The following SCARA5 variants were observed in gnomAD, a reference collection of about 807,000 sequenced individuals.
SCARA5 encodes the protein scavenger receptor class A, member 5 (putative).
In SCARA5, 45 loss-of-function variants were observed where a neutral mutation model predicts 46.3. That is an observed-to-expected ratio of 0.97 (90% CI 0.76 to 1.24). SCARA5 has a LOEUF of 1.24. SCARA5 is among the 50% of genes most tolerant of loss of function. The pLI is 0.00. For synonymous variants in SCARA5, 333 were observed against 306.5 expected (o/e 1.09, Z -0.90); for missense variants, 680 against 689.0 (o/e 0.99, Z 0.15).
chr8:27,987,498 A>G lies in SCARA5; in HGVS notation c.112+6T>C, dbSNP rs1460241586. Reference sequence around the variant, plus strand: ...TGTGCCCCAAGTCTGAGCCAGCTGCACTCACCATCCTCACACAGGTTCAGC... The same window carrying G: ...TGTGCCCCAAGTCTGAGCCAGCTGCGCTCACCATCCTCACACAGGTTCAGC... On this transcript the variant is annotated splice_donor_region_variant and intron_variant, in intron 2 of 8. Transcript: ENST00000354914. The G allele has an allele frequency of 6.2e-7, 1 of 1,602,166 alleles. No individual in the cohort carries two copies. Among genetic ancestry groups the G allele is most frequent in the Non-Finnish European group, 8.6e-7 (1 of 1,169,474 alleles).
chr8:27,873,678 T>A (rs575042632), intron 8 of SCARA5, among the ~76,000 whole-genome samples: 1 of 151,570 alleles, frequency 6.6e-6, no homozygotes, highest in East Asian at 1.9e-4. Context: ...TGCACCCAGG[T>A]GAAATAAATA....
chr8:27,937,859 A>C (rs1478682182), intron 3 of SCARA5, among the ~76,000 whole-genome samples: 1 of 152,084 alleles, frequency 6.6e-6, no homozygotes, highest in East Asian at 1.9e-4. Flanking sequence ...GACACTGGTC[A>C]TATCGGATCA....
chr8:27,935,546 A>C lies in SCARA5; in HGVS notation c.242-13301T>G, dbSNP rs534259853. Among the ~76,000 whole-genome samples, 697 of 152,280 alleles carry C rather than the reference A, an allele frequency of 4.6e-3. 5 individuals are homozygous for C. The highest frequency in any genetic ancestry group is 0.016 in the African/African-American group (653 of 41,552). On this transcript the variant is annotated intron_variant, in intron 3 of 8. Coordinates refer to ENST00000354914, the MANE Select transcript of SCARA5 (RefSeq NM_173833.6). ...AGGCTCCCAGAGAAGAGCTGCTAAG[A>C]GCAAGCAGGGTGACAGCACCAAAGC... is the stretch of plus-strand genomic sequence containing the variant.
chr8:27,885,147 G>A (rs1806874646), intron 7 of SCARA5, among the ~76,000 whole-genome samples: 1 of 152,034 alleles, frequency 6.6e-6, no homozygotes, highest in Admixed American at 6.6e-5. Flanking sequence ...GGAATGAGAG[G>A]GCAGGTACTG....
At chr8:27,901,696 C>CA (rs1324702293) in intron 7 of SCARA5, among the ~76,000 whole-genome samples, 4 of 152,194 alleles carry the variant, frequency 2.6e-5, no homozygotes, top group African/African-American at 9.6e-5. Flanking sequence ...CGCAATGGGA[C>CA]AGGCACAGAC....
intron 2 of SCARA5, 112 bp downstream of exon 2, chr8:27,987,392 C>T: frequency 1.4e-6 from 1 of 737,774 alleles, no homozygotes; most frequent in Non-Finnish European, 2.5e-6. Flanking sequence ...TGCACTATTA[C>T]ATGAGGAGGT....
At position 27,907,252 on chromosome 8, in the gene SCARA5, G is replaced by A; in HGVS notation, c.998-6C>T. ...ACCTCTCTCCCCGGGCAGACCTGGGGAGAAAACAGACAAATGGCAGAGCCT... is the reference window on the plus strand; with the variant it reads ...ACCTCTCTCCCCGGGCAGACCTGGGAAGAAAACAGACAAATGGCAGAGCCT... On this transcript the variant is annotated splice_polypyrimidine_tract_variant and splice_region_variant and intron_variant, in intron 5 of 8. Coordinates refer to ENST00000354914, the MANE Select transcript of SCARA5 (RefSeq NM_173833.6). 1.2e-6 allele frequency: 2 copies of A among 1,605,680 alleles called. No homozygotes were observed. The highest frequency in any genetic ancestry group is 8.5e-7 in the Non-Finnish European group (1 of 1,173,656).
intron 2 of SCARA5, among the ~76,000 whole-genome samples, chr8:27,970,097 C>T (rs544540350): frequency 1.3e-5 from 2 of 152,120 alleles, no homozygotes; most frequent in Admixed American, 1.3e-4. Flanking sequence ...TTCTGGCTCA[C>T]CCTTTCTCTC....
At chr8:27,986,242 C>T (rs924164123) in intron 2 of SCARA5, among the ~76,000 whole-genome samples, 1 of 152,240 alleles carries the variant, frequency 6.6e-6, no homozygotes, top group Non-Finnish European at 1.5e-5. Context: ...CTTGGTGTCA[C>T]ACAAATAGGA....
chr8:27,972,241 T>C (rs1482674771), intron 2 of SCARA5, among the ~76,000 whole-genome samples: 5 of 152,010 alleles, frequency 3.3e-5, no homozygotes, highest in Admixed American at 1.3e-4. Flanking sequence ...TGTTGGAACC[T>C]GGGAGGCAGA....
At chr8:27,978,061 C>T (rs1401646550) in intron 2 of SCARA5, among the ~76,000 whole-genome samples, 1 of 123,628 alleles carries the variant, frequency 8.1e-6, no homozygotes, top group Non-Finnish European at 1.6e-5. Flanking sequence ...GAGTCTTGCT[C>T]TGTCTCCCAG....
At chr8:27,951,576 C>T (rs996113623) in intron 3 of SCARA5, among the ~76,000 whole-genome samples, 3 of 152,252 alleles carry the variant, frequency 2.0e-5, no homozygotes, top group African/African-American at 7.2e-5. Flanking sequence ...AGACCCGAGG[C>T]TGGACCTCCG....
chr8:27,884,658 G>A (rs181276816), intron 7 of SCARA5, among the ~76,000 whole-genome samples: 5 of 152,294 alleles, frequency 3.3e-5, no homozygotes, highest in East Asian at 1.9e-4. Flanking sequence ...GTAGACGGTC[G>A]GAGACTCCCT....
intron 1 of SCARA5, among the ~76,000 whole-genome samples, chr8:27,988,869 T>C (rs1050462465): frequency 2.6e-5 from 4 of 152,116 alleles, no homozygotes; most frequent in African/African-American, 9.7e-5. Flanking sequence ...AGGCCCAGTA[T>C]GGAGCAAACT....
At position 27,909,744 on chromosome 8, in the gene SCARA5, C is replaced by G; in HGVS notation, c.917-1G>C. On this transcript the variant is annotated splice_acceptor_variant, in intron 4 of 8. Transcript: ENST00000354914. LOFTEE classifies it high-confidence loss of function. ...TGATCACCTTTGGGTCCCGGTGGCC[C>G]TGGAAAGGCAAAAACAGCACTGAGG... The G allele has an allele frequency of 6.4e-7, 1 of 1,550,642 alleles. No homozygotes were observed. The highest frequency in any genetic ancestry group is 8.7e-7 in the Non-Finnish European group (1 of 1,146,338).
intron 3 of SCARA5, among the ~76,000 whole-genome samples, chr8:27,922,805 G>A (rs1414500880): frequency 1.3e-5 from 2 of 152,320 alleles, no homozygotes; most frequent in Admixed American, 6.5e-5. Context: ...GTCTTTAGGA[G>A]GTGATTGAGT....
chr8:27,972,992 G>A (rs954391033), intron 2 of SCARA5, among the ~76,000 whole-genome samples: 2 of 152,036 alleles, frequency 1.3e-5, no homozygotes, highest in Non-Finnish European at 2.9e-5. Flanking sequence ...CCTCTCTGGC[G>A]ACCCCACTAG....
rs544245098 is a variant in SCARA5, at chr8:27,890,452, G to A, written c.1154-10686C>T. Among the ~76,000 whole-genome samples the A allele has an allele frequency of 4.6e-5, 7 of 152,372 alleles. No individual in the cohort carries two copies. The South Asian group carries it at 1.5e-3, about 32-fold the overall frequency. ...CCCTTGGAAATAGAGACCATGTCTT[G>A]TTTGTCCATGGCCCCTTAACACTTA... On this transcript the variant is annotated intron_variant, in intron 7 of 8. Coordinates refer to ENST00000354914, the MANE Select transcript of SCARA5 (RefSeq NM_173833.6).
At chr8:27,981,967 C>T (rs1445810894) in intron 2 of SCARA5, among the ~76,000 whole-genome samples, 2 of 152,206 alleles carry the variant, frequency 1.3e-5, no homozygotes, top group African/African-American at 4.8e-5. Context: ...CAGCCCTCAG[C>T]TGCGCCAAGT....
Sources: allele counts gnomAD v4.1 joint callset (sites outside exome capture counted in the v4.1 genomes callset), GRCh38; gene constraint gnomAD v4.1.1; transcripts MANE v1.5; gene names NCBI Gene and HGNC (gene_info 2026-07-23, HGNC 2026-07-21).